The following CAMK1D variants were observed in gnomAD, a reference collection of about 807,000 sequenced individuals.
CAMK1D encodes the protein calcium/calmodulin-dependent protein kinase type 1D.
Under a neutral mutation model 47.7 loss-of-function variants are expected in CAMK1D, and 9 were observed. That is an observed-to-expected ratio of 0.19 (90% confidence interval 0.11 to 0.33). CAMK1D has a LOEUF of 0.33. Ranked by LOEUF, CAMK1D falls within the 10% of genes least tolerant of loss-of-function variation. The pLI, the probability that CAMK1D is intolerant of heterozygous loss-of-function variation, is 1.00. For synonymous variants in CAMK1D, 184 were observed against 184.9 expected, an observed-to-expected ratio of 0.99 and a Z score of 0.04; for missense variants, 291 against 488.7, an observed-to-expected ratio of 0.60 and a Z score of 3.81.
At chr10:12,701,214 G>A (rs975160363) in intron 3 of CAMK1D, among the ~76,000 whole-genome samples, 1 of 151,830 alleles carries the variant, frequency 6.6e-6, no homozygotes, top group Non-Finnish European at 1.5e-5. Context: ...CGGGGTTCAA[G>A]CGATTCTTCT....
intron 1 of CAMK1D, among the ~76,000 whole-genome samples, chr10:12,517,732 GGT>G (rs1794704566): frequency 9.1e-6 from 1 of 109,816 alleles, no homozygotes; most frequent in Non-Finnish European, 2.0e-5. Context: ...ACGTAGTTGT[GGT>G]GTATTTTTTT....
At chr10:12,754,038 G>A (rs1348224395) in intron 3 of CAMK1D, among the ~76,000 whole-genome samples, 1 of 152,084 alleles carries the variant, frequency 6.6e-6, no homozygotes, top group Non-Finnish European at 1.5e-5. Flanking sequence ...TTACAGGAGT[G>A]TGGCACCACA....
At chr10:12,380,589 G>A (rs561217780) in intron 1 of CAMK1D, among the ~76,000 whole-genome samples, 62 of 152,338 alleles carry the variant, frequency 4.1e-4, no homozygotes, top group African/African-American at 1.3e-3. Context: ...TGGGCGCAGT[G>A]GCTCATGCCT....
At chr10:12,416,582 C>T (rs529600629) in intron 1 of CAMK1D, among the ~76,000 whole-genome samples, 2 of 152,174 alleles carry the variant, frequency 1.3e-5, no homozygotes, top group Non-Finnish European at 2.9e-5. Flanking sequence ...AGAAAAATCC[C>T]ACAGTTGTGC....
intron 3 of CAMK1D, among the ~76,000 whole-genome samples, chr10:12,752,394 T>C (rs1181120116): frequency 6.6e-6 from 1 of 152,220 alleles, no homozygotes; most frequent in African/African-American, 2.4e-5. Flanking sequence ...AAATACTAAA[T>C]AATGTGTACA....
rs536706929 is a variant in CAMK1D, at chr10:12,540,474, T to G, written c.93-12751T>G. ...GGCACTCATGTGGAATTTATTTGTC[T>G]TCTGCGTTTGGATCAGTGAGGCTGT... On this transcript the variant is annotated intron_variant, in intron 1 of 10. Transcript: ENST00000619168. 2.0e-5 allele frequency among the ~76,000 whole-genome samples: 3 copies of G among 152,342 alleles called. No homozygotes were observed. The South Asian group carries it at 6.2e-4, about 32-fold the overall frequency.
intron 1 of CAMK1D, among the ~76,000 whole-genome samples, chr10:12,448,135 T>C (rs144511922): frequency 7.0e-4 from 107 of 152,272 alleles, no homozygotes; most frequent in African/African-American, 2.4e-3. Context: ...ATTACAGGCA[T>C]GAGCCACGAC....
intron 1 of CAMK1D, among the ~76,000 whole-genome samples, chr10:12,412,874 G>C (rs1258219816): frequency 6.6e-6 from 1 of 151,960 alleles, no homozygotes; most frequent in African/African-American, 2.4e-5. Flanking sequence ...TGGCCCTCCC[G>C]GGTCTTTCTG....
chr10:12,747,178 C>T (rs1835721087), intron 3 of CAMK1D, among the ~76,000 whole-genome samples: 2 of 151,974 alleles, frequency 1.3e-5, no homozygotes, highest in Admixed American at 1.3e-4. Flanking sequence ...ACTACAGGCG[C>T]ACACCACCAA....
chr10:12,571,274 C>T (rs987418980), intron 2 of CAMK1D, among the ~76,000 whole-genome samples: 1 of 151,754 alleles, frequency 6.6e-6, no homozygotes, highest in Non-Finnish European at 1.5e-5. Context: ...GTGAAACCCC[C>T]GTCTCTATGA....
intron 2 of CAMK1D, among the ~76,000 whole-genome samples, chr10:12,602,003 T>C (rs1217167155): frequency 6.6e-6 from 1 of 152,192 alleles, no homozygotes; most frequent in Non-Finnish European, 1.5e-5. Flanking sequence ...GAACCACTCA[T>C]AGTAGATGGG....
chr10:12,658,523 C>T (rs1840182740), intron 2 of CAMK1D, among the ~76,000 whole-genome samples: 1 of 152,132 alleles, frequency 6.6e-6, no homozygotes, highest in Admixed American at 6.5e-5. Context: ...TAAGGACAGG[C>T]ATTTCTGTTT....
chr10:12,382,764 G>C (rs1233640833), intron 1 of CAMK1D, among the ~76,000 whole-genome samples: 1 of 152,158 alleles, frequency 6.6e-6, no homozygotes, highest in Non-Finnish European at 1.5e-5. Context: ...GGCGGAGGTT[G>C]CAGTGAGCTG....
chr10:12,716,312 A>G (rs1289410339), intron 3 of CAMK1D, among the ~76,000 whole-genome samples: 2 of 152,166 alleles, frequency 1.3e-5, no homozygotes, highest in African/African-American at 2.4e-5. Context: ...ACTAGATGCC[A>G]GTAGCATCCC....
intron 3 of CAMK1D, among the ~76,000 whole-genome samples, chr10:12,726,543 C>T (rs1834645232): frequency 6.6e-6 from 1 of 152,226 alleles, no homozygotes; most frequent in South Asian, 2.1e-4. Context: ...TTAAAAGAGA[C>T]ATGTCTCAGA....
intron 1 of CAMK1D, among the ~76,000 whole-genome samples, chr10:12,411,927 A>G (rs1839672079): frequency 6.6e-6 from 1 of 152,174 alleles, no homozygotes; most frequent in Admixed American, 6.5e-5. Context: ...CCTCTTGTTG[A>G]TAGTAGCTAC....
intron 8 of CAMK1D, among the ~76,000 whole-genome samples, chr10:12,819,883 G>T (rs79081553): frequency 0.024 from 3,660 of 152,262 alleles, 152 homozygotes; most frequent in African/African-American, 0.083. Context: ...GTGAGTGACT[G>T]TCAGGGACGG....
At chr10:12,621,112 GTTTA>G (rs1321712210) in intron 2 of CAMK1D, among the ~76,000 whole-genome samples, 1 of 152,158 alleles carries the variant, frequency 6.6e-6, no homozygotes, top group Non-Finnish European at 1.5e-5. Flanking sequence ...AGACATATGG[GTTTA>G]TTTCTGTGTT....
intron 3 of CAMK1D, among the ~76,000 whole-genome samples, chr10:12,755,529 G>A (rs919419310): frequency 6.6e-6 from 1 of 152,174 alleles, no homozygotes; most frequent in East Asian, 1.9e-4. Context: ...TAATGGGGTT[G>A]CTGGGTTAAA....
Sources: allele counts gnomAD v4.1 joint callset (sites outside exome capture counted in the v4.1 genomes callset), GRCh38; gene constraint gnomAD v4.1.1; transcripts MANE v1.5; gene names NCBI Gene and HGNC (gene_info 2026-07-23, HGNC 2026-07-21).